The following MYH3 variants were observed in gnomAD, a reference collection of about 807,000 sequenced individuals.
The protein encoded by MYH3 is myosin-3.
A neutral mutation model predicts 238.0 loss-of-function variants in MYH3; 130 were observed. That is an observed-to-expected ratio of 0.55 (90% CI 0.47 to 0.63). The LOEUF is 0.63. Among genes scored for constraint, MYH3 ranks in the 30% least tolerant of loss-of-function variants. MYH3 has a pLI of 0.00. For missense variants in MYH3, 1,853 were observed against 2,374.9 expected (o/e 0.78, Z 4.57); for synonymous variants, 880 against 924.1 (o/e 0.95, Z 0.86).
rs1175934128 is a variant in MYH3, at chr17:10,630,166, C to G, written c.5488G>C (p.Glu1830Gln). The change falls in exon 38 of 41, where the codon GAG (glutamate) becomes CAG (glutamine). Residue 1830 changes from glutamate to glutamine, a missense_variant. Around this residue, in one of 3 missense-constraint regions of MYH3, gnomAD observed 1,044 missense variants for 1,192.6 expected, o/e 0.88. Transcript: ENST00000583535. ...IRELEFELEG[E>Q]QKKNTESVKG... ...ACAGACTCTGTGTTCTTCTTCTGCT[C>G]TCCCTCAAGTTCAAACTCCAGCTCT... 1 of 1,614,088 alleles carries G rather than the reference C, an allele frequency of 6.2e-7. No homozygotes were observed. Among genetic ancestry groups the G allele is most frequent in the Non-Finnish European group, 8.5e-7 (1 of 1,180,042 alleles).
the MYH3 span, chr17:10,675,823 T>C: frequency 6.6e-6 from 1 of 152,174 alleles, no homozygotes; most frequent in Non-Finnish European, 1.5e-5. Flanking sequence ...TGTTTAAGAA[T>C]GGGAAGAGAG....
At chr17:10,646,070 C>A in intron 10 of MYH3, 38 bp from the exon 11 acceptor site, 1 of 1,583,002 alleles carries the variant, frequency 6.3e-7, no homozygotes, top group Non-Finnish European at 8.7e-7. Context: ...TATGCAGATG[C>A]AAAGAAAAAA....
rs2074141730 is a variant in MYH3, at chr17:10,630,271, G to A, written c.5457+17C>T. On this transcript the variant is annotated intron_variant, in intron 37 of 40. Transcript: ENST00000583535. ...GGCTGGAAAGCTCAGCGCAGGCGGG[G>A]TTCCTCCTGCACACACCCTGGTCTC... 2 of 1,553,934 alleles carry A rather than the reference G, an allele frequency of 1.3e-6. No individual in the cohort carries two copies. The highest frequency in any genetic ancestry group is 3.7e-5 in the Admixed American group (2 of 53,832).
chr17:10,658,189 A>AG (rs1259531111), upstream of MYH3, among the ~76,000 whole-genome samples: 1 of 152,204 alleles, frequency 6.6e-6, no homozygotes, highest in Non-Finnish European at 1.5e-5. Flanking sequence ...CTAAATCAGG[A>AG]GTGGAAAAAT....
intron 25 of MYH3, 29 bp downstream of exon 25, chr17:10,639,015 A>G: frequency 6.2e-7 from 1 of 1,614,202 alleles, no homozygotes; most frequent in Non-Finnish European, 8.5e-7. Flanking sequence ...GTAACTTGCA[A>G]AATGGAAGCC....
chr17:10,657,630 C>T (rs1387910417), upstream of MYH3, among the ~76,000 whole-genome samples: 1 of 152,082 alleles, frequency 6.6e-6, no homozygotes, highest in African/African-American at 2.4e-5. Context: ...GCGCTCATCA[C>T]ACCCTGAACG....
At chr17:10,633,958 A>G (rs1033137495) in intron 32 of MYH3, 59 bp downstream of exon 32, 2 of 1,597,076 alleles carry the variant, frequency 1.3e-6, no homozygotes, top group Non-Finnish European at 1.7e-6. Context: ...CCACGCCAGC[A>G]TGCTCTCGAG....
chr17:10,635,102 ACTAAT>A, intron 30 of MYH3, 79 bp from the exon 31 acceptor site: 1 of 1,494,176 alleles, frequency 6.7e-7, no homozygotes, highest in Non-Finnish European at 9.3e-7. Context: ...AGTTGGAATC[ACTAAT>A]CTATGTGATT....
chr17:10,670,997 C>T, the MYH3 span, among the ~76,000 whole-genome samples: 1 of 152,126 alleles, frequency 6.6e-6, no homozygotes, highest in Non-Finnish European at 1.5e-5. This position sits in a 1 kb window ranked among gnomAD's most constrained non-coding sequence, Gnocchi z 7.0. Context: ...TCAAGTGATT[C>T]TCCTGCCTCA....
the MYH3 span, among the ~76,000 whole-genome samples, chr17:10,666,419 A>AAAAAAAAAAAAAACTT: frequency 0.01 from 1,407 of 136,742 alleles, 38 homozygotes; most frequent in Middle Eastern, 0.019. Flanking sequence ...GTCTCTACAA[A>AAAAAAAAAAAAAACTT]AAAAAACCAG....
chr17:10,629,925 T>G lies in MYH3; in HGVS notation c.5575A>C (p.Arg1859=), dbSNP rs755432897. The change falls in exon 39 of 41, where the codon AGG becomes CGG. Residue 1859 remains arginine (R), a synonymous_variant. Coordinates refer to ENST00000583535, the MANE Select transcript of MYH3 (RefSeq NM_002470.4). ...KELTYQSEED[R]KNVLRLQDLV... is the part of the protein sequence containing the mutation. ...TCCTGCAATCTCAGCACATTCTTCC[T>G]GTCCTCTTCACTCTAAGAATGAGAA... 1 of 1,614,154 alleles carries G rather than the reference T, an allele frequency of 6.2e-7. No individual in the cohort carries two copies. Among genetic ancestry groups the G allele is most frequent in the Admixed American group, 1.7e-5 (1 of 60,018 alleles).
At chr17:10,652,321 A>T in intron 4 of MYH3, 99 bp downstream of exon 4, 1 of 1,434,558 alleles carries the variant, frequency 7.0e-7, no homozygotes, top group South Asian at 1.1e-5. Flanking sequence ...GCAAGCACTC[A>T]TCTTCCAGAA....
Position 10,634,817 on chromosome 17 carries a change from C to G in MYH3, c.4356+23G>C, listed in dbSNP as rs200544031. On this transcript the variant is annotated intron_variant, in intron 31 of 40. Coordinates refer to ENST00000583535, the MANE Select transcript of MYH3 (RefSeq NM_002470.4). ...GAATCCCTTACATCATGGCATTCAC[C>G]CAGCACACAGCGGACCCCACACCTT... 156 of 1,613,968 alleles carry G rather than the reference C, an allele frequency of 9.7e-5. No homozygotes were observed. The Middle Eastern group carries it at 2.5e-3, about 26-fold the overall frequency.
the MYH3 span, among the ~76,000 whole-genome samples, chr17:10,664,940 A>C: frequency 6.6e-6 from 1 of 152,190 alleles, no homozygotes; most frequent in Admixed American, 6.5e-5. Flanking sequence ...GACATAGACA[A>C]GGAAGCAGAT....
chr17:10,647,448 G>A, intron 8 of MYH3, 22 bp from the exon 9 acceptor site: 1 of 1,613,464 alleles, frequency 6.2e-7, no homozygotes. Flanking sequence ...GGGATTCAGG[G>A]GGAGACCAGA....
the MYH3 span, among the ~76,000 whole-genome samples, chr17:10,666,353 G>A: frequency 1.3e-5 from 2 of 152,246 alleles, no homozygotes; most frequent in East Asian, 3.9e-4. Context: ...GCTGAGGTGG[G>A]AGAATTGCTT....
chr17:10,634,006 GA>G lies in MYH3; in HGVS notation c.4522+10del, dbSNP rs1376231985. The G allele has an allele frequency of 1.4e-5, 22 of 1,613,030 alleles. No individual in the cohort carries two copies. The highest frequency in any genetic ancestry group is 1.8e-5 in the Non-Finnish European group (21 of 1,180,002). ...AAAGGAGGAGGTTTCAGAGGGTTTC[GA>G]ATAGCTTACGCTCTAAGTTCTTATT... On this transcript the variant is annotated intron_variant, in intron 32 of 40. Coordinates refer to ENST00000583535, the MANE Select transcript of MYH3 (RefSeq NM_002470.4).
intron 32 of MYH3, 148 bp downstream of exon 32, chr17:10,633,869 G>A (rs186769427): frequency 3.8e-4 from 552 of 1,471,256 alleles, no homozygotes; most frequent in Non-Finnish European, 4.7e-4. Context: ...AGGCTAAAAC[G>A]TAACCCGTCA....
chr17:10,649,123 T>C (rs1397193610), intron 7 of MYH3, among the ~76,000 whole-genome samples: 2 of 152,252 alleles, frequency 1.3e-5, no homozygotes, highest in East Asian at 1.9e-4. Flanking sequence ...CAAAACACTT[T>C]TGCCATTTTG....
Sources: allele counts gnomAD v4.1 joint callset (sites outside exome capture counted in the v4.1 genomes callset), GRCh38; gene constraint gnomAD v4.1.1; regional missense constraint gnomAD v4.1.1; non-coding constraint Gnocchi (gnomAD v3.1); transcripts MANE v1.5; gene names NCBI Gene and HGNC (gene_info 2026-07-23, HGNC 2026-07-21).